The following PSPH variants were observed in gnomAD, a reference collection of about 807,000 sequenced individuals.
The protein encoded by PSPH is phosphoserine phosphatase, also known as L-3-phosphoserine phosphatase.
Under a neutral mutation model 23.4 loss-of-function variants are expected in PSPH, and 16 were observed. The observed-to-expected ratio is 0.68, with a 90% CI of 0.46 to 1.04. The LOEUF (loss-of-function observed/expected upper bound fraction) is 1.04. Among genes scored for constraint, PSPH ranks in the 50% least tolerant of loss-of-function variants. The pLI, the probability that PSPH is intolerant of heterozygous loss-of-function variation, is 0.00. For missense variants in PSPH, 223 were observed against 273.7 expected (o/e 0.81, Z 1.31); for synonymous variants, 68 against 99.7 (o/e 0.68, Z 1.89).
chr7:56,014,960 T>G (rs1788388831), intron 7 of PSPH, 63 bp downstream of exon 7: 3 of 1,440,266 alleles, frequency 2.1e-6, no homozygotes, highest in Non-Finnish European at 2.8e-6. Context: ...AATAAAGAAA[T>G]AATAAATAAA....
intron 1 of PSPH, among the ~76,000 whole-genome samples, chr7:56,050,198 C>A (rs752026618): frequency 7.2e-5 from 11 of 152,068 alleles, no homozygotes; most frequent in Non-Finnish European, 1.3e-4. Flanking sequence ...CATCATATAC[C>A]CAGATATTCA....
chr7:56,039,712 G>GTTGCAGTAAGCCGAGA (rs1159601864), intron 1 of PSPH, among the ~76,000 whole-genome samples: 1 of 147,848 alleles, frequency 6.8e-6, no homozygotes, highest in Admixed American at 6.9e-5. Flanking sequence ...GGAAGTGGAG[G>GTTGCAGTAAGCCGAGA]TTGCAGTAAG....
intron 1 of PSPH, among the ~76,000 whole-genome samples, chr7:56,038,886 G>A (rs1792098375): frequency 6.6e-6 from 1 of 152,002 alleles, no homozygotes; most frequent in Non-Finnish European, 1.5e-5. Context: ...GCTCACACCT[G>A]TAATCACAGC....
At position 56,029,783 on chromosome 7, in the gene PSPH, G is replaced by A. The variant is rs151281351; in HGVS notation, c.-20+2146C>T. ...AGTTGTGAAGGTCATGCATAGTTGC[G>A]AGAACCAAGCTTATTTGCTTTGGTA... On this transcript the variant is annotated intron_variant, in intron 3 of 7. Coordinates refer to ENST00000275605, the MANE Select transcript of PSPH (RefSeq NM_004577.4). 5.9e-5 allele frequency among the ~76,000 whole-genome samples: 9 copies of A among 152,150 alleles called. No homozygotes were observed. In the East Asian group the frequency reaches 1.4e-3, roughly 23 times the overall value.
chr7:56,034,166 A>G (rs1308139259), intron 1 of PSPH, 60 bp from the exon 2 acceptor site: 1 of 152,286 alleles, frequency 6.6e-6, no homozygotes, highest in Non-Finnish European at 1.5e-5. Flanking sequence ...TGGAGACACC[A>G]GATCTGTCTG....
intron 2 of PSPH, chr7:56,033,206 A>G (rs1263277826): frequency 6.6e-6 from 1 of 152,098 alleles, no homozygotes; most frequent in African/African-American, 2.4e-5. Context: ...TAAAGAAAAT[A>G]TAGTGACCAG....
chr7:56,020,175 C>T (rs1008930933), intron 4 of PSPH, among the ~76,000 whole-genome samples: 1 of 132,834 alleles, frequency 7.5e-6, no homozygotes, highest in East Asian at 2.4e-4. Context: ...GCCAAGATCT[C>T]ACCACTGCAC....
intron 7 of PSPH, among the ~76,000 whole-genome samples, chr7:56,012,450 G>A (rs2116444677): frequency 6.6e-6 from 1 of 152,160 alleles, no homozygotes; most frequent in South Asian, 2.1e-4. Context: ...CAAAGTGCTG[G>A]GATCACAGGC....
intron 1 of PSPH, among the ~76,000 whole-genome samples, chr7:56,048,369 T>A (rs1026920297): frequency 1.3e-5 from 2 of 151,460 alleles, no homozygotes; most frequent in African/African-American, 4.8e-5. Context: ...TGGCCAGTAT[T>A]CAAAAAAATG....
At chr7:56,040,152 G>C (rs1047180436) in intron 1 of PSPH, among the ~76,000 whole-genome samples, 7 of 151,934 alleles carry the variant, frequency 4.6e-5, no homozygotes, top group African/African-American at 1.4e-4. Context: ...AAAGAACACA[G>C]TGAACACAGT....
intron 1 of PSPH, among the ~76,000 whole-genome samples, chr7:56,050,407 A>G (rs1325118840): frequency 3.3e-5 from 5 of 152,192 alleles, no homozygotes; most frequent in Non-Finnish European, 7.3e-5. Flanking sequence ...CTGGGATCAC[A>G]GACGTGCACC....
At chr7:56,011,930 G>T (rs1381923868) in intron 7 of PSPH, 61 bp from the exon 8 acceptor site, 19 of 1,361,190 alleles carry the variant, frequency 1.4e-5, no homozygotes, top group Non-Finnish European at 1.7e-5. Context: ...TTATTTTTTG[G>T]AGTCTCGCTC....
At chr7:56,027,688 A>G (rs1426337845) in intron 3 of PSPH, among the ~76,000 whole-genome samples, 1 of 38,008 alleles carries the variant, frequency 2.6e-5, no homozygotes, top group East Asian at 8.4e-4. Context: ...ACTCCATCTC[A>G]AAAAAAAAAA....
chr7:56,041,782 G>A (rs541367929), intron 1 of PSPH, among the ~76,000 whole-genome samples: 5 of 151,908 alleles, frequency 3.3e-5, no homozygotes, highest in Non-Finnish European at 5.9e-5. Flanking sequence ...AAATTAGCCC[G>A]GTGTGGTAGT....
At chr7:56,032,510 T>A (rs914268411) in intron 2 of PSPH, among the ~76,000 whole-genome samples, 3 of 150,522 alleles carry the variant, frequency 2.0e-5, no homozygotes, top group Admixed American at 1.3e-4. Flanking sequence ...ACAAAAAAAA[T>A]TTAGCCAGGC....
At chr7:56,026,530 A>G (rs1473033389) in intron 3 of PSPH, among the ~76,000 whole-genome samples, 1 of 149,098 alleles carries the variant, frequency 6.7e-6, no homozygotes, top group Non-Finnish European at 1.5e-5. Context: ...AAGGGCCAGC[A>G]TGGTGGCTGA....
At chr7:56,045,419 C>T (rs542802262) in intron 1 of PSPH, among the ~76,000 whole-genome samples, 18 of 148,442 alleles carry the variant, frequency 1.2e-4, no homozygotes, top group Middle Eastern at 8.4e-3. Flanking sequence ...GCAGTGATTG[C>T]GCCACTGCAC....
intron 5 of PSPH, among the ~76,000 whole-genome samples, chr7:56,019,099 T>C (rs1584398038): frequency 6.6e-6 from 1 of 152,104 alleles, no homozygotes; most frequent in African/African-American, 2.4e-5. Context: ...GCCATGATTA[T>C]ACTACTGTAC....
At chr7:56,036,308 A>G (rs1276573566) in intron 1 of PSPH, among the ~76,000 whole-genome samples, 1 of 152,174 alleles carries the variant, frequency 6.6e-6, no homozygotes, top group Non-Finnish European at 1.5e-5. Flanking sequence ...TCTAAGTGGT[A>G]ACAGAATTTA....
Sources: gnomAD v4.1 joint callset for allele counts (sites outside exome capture counted in the v4.1 genomes callset) on GRCh38, gnomAD v4.1.1 for gene constraint, MANE v1.5 for transcripts, NCBI Gene and HGNC (gene_info 2026-07-23, HGNC 2026-07-21) for gene names.